Variants in RPS6KA1 observed in about 807,000 individuals in gnomAD.
The protein encoded by RPS6KA1 is ribosomal protein S6 kinase alpha-1.
In RPS6KA1, 48 loss-of-function variants were observed where a neutral mutation model predicts 91.3. That is an observed-to-expected ratio of 0.53 (90% CI 0.42 to 0.67). The LOEUF is 0.67. Among genes scored for constraint, RPS6KA1 ranks in the 30% least tolerant of loss-of-function variants. The pLI, the probability that RPS6KA1 is intolerant of heterozygous loss-of-function variation, is 0.00. For synonymous variants in RPS6KA1, 359 were observed against 384.7 expected, an observed-to-expected ratio of 0.93 and a Z score of 0.78; for missense variants, 719 against 960.5, an observed-to-expected ratio of 0.75 and a Z score of 3.32.
rs1206325508 is a variant in RPS6KA1 at position 26,565,039 on chromosome 1, C to G, written c.1590+3376C>G. On this transcript the variant is annotated intron_variant, in intron 17 of 21. Transcript: ENST00000374168. ...GTGAGCTCCTTCCACTAGGGATGTG[C>G]AAAGCTCCAAGTATAGATAACCACT... 2.0e-5 allele frequency among the ~76,000 whole-genome samples: 3 copies of G among 152,194 alleles called. No individual in the cohort carries two copies. In the East Asian group the frequency reaches 5.8e-4, roughly 29 times the overall value.
At chr1:26,556,754 G>A in intron 12 of RPS6KA1, 36 bp downstream of exon 12, 1 of 1,611,792 alleles carries the variant, frequency 6.2e-7, no homozygotes, top group Non-Finnish European at 8.5e-7. Context: ...CTCTGGCCAG[G>A]GCTCAGCCAT....
intron 14 of RPS6KA1, among the ~76,000 whole-genome samples, chr1:26,559,271 T>C (rs2076133215): frequency 6.6e-6 from 1 of 152,242 alleles, no homozygotes; most frequent in Admixed American, 6.5e-5. Flanking sequence ...TGTACACTTC[T>C]ACTGCTAATG....
Position 26,558,775 on chromosome 1 carries a change from G to A in RPS6KA1, c.1085-32G>A, listed in dbSNP as rs765990781. On this transcript the variant is annotated intron_variant, in intron 13 of 21. Transcript: ENST00000374168. This position sits in a 1 kb window ranked among gnomAD's most constrained non-coding sequence, Gnocchi z 4.0. Reference sequence around the variant, plus strand: ...CCTCAGGGTCGAGGGGACCTCCTCAGGTACCCTCACATTCTCCTTCCATCC... The same window carrying A: ...CCTCAGGGTCGAGGGGACCTCCTCAAGTACCCTCACATTCTCCTTCCATCC... 1 of 1,580,544 alleles carries A rather than the reference G, an allele frequency of 6.3e-7. No individual in the cohort carries two copies. The highest frequency in any genetic ancestry group is 1.1e-5 in the South Asian group (1 of 89,588).
Position 26,554,039 on chromosome 1 carries a change from G to A in RPS6KA1, c.576-175G>A. The A allele has an allele frequency of 5.0e-6, 3 of 594,250 alleles. No homozygotes were observed. Among genetic ancestry groups the A allele is most frequent in the Non-Finnish European group, 8.8e-6 (3 of 340,092 alleles). The allele number at this position is 594,250 out of a possible 1,614,324, so 36.8% of individuals were successfully genotyped here. A position where few individuals can be genotyped will look rare whatever the true frequency, so the allele number is the denominator to read the frequency against. ...AGTTGCTTCAAGGATTAGCAAAAAA[G>A]ATAGGCAACACCCCTGCGTGGTACT... On this transcript the variant is annotated intron_variant, in intron 7 of 21. Coordinates refer to ENST00000374168, the MANE Select transcript of RPS6KA1 (RefSeq NM_002953.4). This position sits in a 1 kb window ranked among gnomAD's most constrained non-coding sequence, Gnocchi z 4.6.
chr1:26,569,679 C>T (rs2076233789), intron 17 of RPS6KA1, among the ~76,000 whole-genome samples: 1 of 152,232 alleles, frequency 6.6e-6, no homozygotes, highest in African/African-American at 2.4e-5. Flanking sequence ...ATCTAACCTG[C>T]AAGGTATCTG....
Position 26,554,704 on chromosome 1 carries a change from A to C in RPS6KA1, c.722A>C (p.His241Pro), listed in dbSNP as rs1226017016. 1.2e-6 allele frequency: 2 copies of C among 1,611,916 alleles called. No individual in the cohort carries two copies. Among genetic ancestry groups the C allele is most frequent in the African/African-American group, 2.7e-5 (2 of 74,876 alleles). ...GTCGTCAACCGCCAGGGCCACTCCCATAGTGCGGACTGGTGGTCCTATGGG... is the reference window on the plus strand; with the variant it reads ...GTCGTCAACCGCCAGGGCCACTCCCCTAGTGCGGACTGGTGGTCCTATGGG... ...PEVVNRQGHS[H>P]SADWWSYGVL... Residue 241 changes from histidine (H) to proline (P), a missense_variant, in exon 9 of 22, where the codon CAT becomes CCT. Physicochemically the swap from His to Pro is moderately conservative, Grantham distance 77. Transcript: ENST00000374168. This position sits in a 1 kb window ranked among gnomAD's most constrained non-coding sequence, Gnocchi z 4.6.
At position 26,571,970 on chromosome 1, in the gene RPS6KA1, G is replaced by A. The variant is rs765628192; in HGVS notation, c.1829+45G>A. On this transcript the variant is annotated intron_variant, in intron 19 of 21. Coordinates refer to ENST00000374168, the MANE Select transcript of RPS6KA1 (RefSeq NM_002953.4). The surrounding 1 kb of genome is among the most constrained non-coding windows in gnomAD (Gnocchi z 5.1). ...ACCCTTCCCCACTCCTGCAGCCCTA[G>A]CACTTGGGCTGAGTGGTGCTTGTCT... The A allele has an allele frequency of 1.3e-5, 21 of 1,577,806 alleles. No homozygotes were observed. Among genetic ancestry groups the A allele is most frequent in the Non-Finnish European group, 1.8e-5 (21 of 1,152,654 alleles).
rs978198957 is a variant in RPS6KA1 at position 26,558,277 on chromosome 1, G to C, written c.1085-530G>C. ...AAGGAGTGGATTATCTAGTTAAAGG[G>C]AACAGTGTGTGCAAGGGCTCAGAGA... On this transcript the variant is annotated intron_variant, in intron 13 of 21. Transcript: ENST00000374168. This position sits in a 1 kb window ranked among gnomAD's most constrained non-coding sequence, Gnocchi z 4.0. 6.6e-6 allele frequency among the ~76,000 whole-genome samples: 1 copy of C among 152,176 alleles called. No individual in the cohort carries two copies. Among genetic ancestry groups the C allele is most frequent in the Admixed American group, 6.5e-5 (1 of 15,268 alleles).
intron 17 of RPS6KA1, among the ~76,000 whole-genome samples, chr1:26,570,538 T>C (rs979276320): frequency 6.6e-6 from 1 of 151,932 alleles, no homozygotes; most frequent in Non-Finnish European, 1.5e-5. Flanking sequence ...AAGAATGAAA[T>C]GTGGGGTGGT....
At chr1:26,552,429 G>A (rs2076060392) in intron 6 of RPS6KA1, among the ~76,000 whole-genome samples, 2 of 147,716 alleles carry the variant, frequency 1.4e-5, no homozygotes, top group African/African-American at 2.5e-5. Context: ...CTAGAAAATG[G>A]GACCATTCGT....
At chr1:26,570,544 G>A (rs2076240438) in intron 17 of RPS6KA1, among the ~76,000 whole-genome samples, 1 of 152,086 alleles carries the variant, frequency 6.6e-6, no homozygotes, top group African/African-American at 2.4e-5. Flanking sequence ...GAAATGTGGG[G>A]TGGTTCAGCC....
intron 1 of RPS6KA1, 54 bp downstream of exon 1, chr1:26,530,037 A>T (rs893019322): frequency 8.2e-7 from 1 of 1,217,408 alleles, no homozygotes; most frequent in Non-Finnish European, 1.0e-6. Context: ...CCGGATCCTC[A>T]CAGGGGCGGG....
chr1:26,568,552 C>T (rs984053136), intron 17 of RPS6KA1, among the ~76,000 whole-genome samples: 17 of 151,360 alleles, frequency 1.1e-4, no homozygotes, highest in Admixed American at 2.6e-4. Flanking sequence ...AGTTCGAGAC[C>T]AGCCTGGCCA....
In RPS6KA1 at chr1:26,557,095, C is replaced by T; in HGVS notation, c.1079C>T (p.Pro360Leu). The T allele has an allele frequency of 6.2e-7, 1 of 1,609,840 alleles. No homozygotes were observed. Among genetic ancestry groups the T allele is most frequent in the Non-Finnish European group, 8.5e-7 (1 of 1,176,240 alleles). The change falls in exon 13 of 22, where the codon CCC (proline) becomes CTC (leucine). Residue 360 changes from proline (P) to leucine (L), a missense_variant. This residue lies in a region of RPS6KA1 where 228 missense variants were observed against 247.6 expected (regional missense o/e 0.92). Coordinates refer to ENST00000374168, the MANE Select transcript of RPS6KA1 (RefSeq NM_002953.4). ...GACACCGAGTTCACGTCCCGCACAC[C>T]CAAGGGTGCGTCCCTTATCTGTTTT... ...YFDTEFTSRT[P>L]KDSPGIPPSA...
In RPS6KA1 at chr1:26,551,734, A is replaced by T. The variant is rs746654169; in HGVS notation, c.468+11A>T. 1 of 1,611,226 alleles carries T rather than the reference A, an allele frequency of 6.2e-7. No individual in the cohort carries two copies. The highest frequency in any genetic ancestry group is 8.5e-7 in the Non-Finnish European group (1 of 1,177,326). On this transcript the variant is annotated intron_variant, in intron 6 of 21. Coordinates refer to ENST00000374168, the MANE Select transcript of RPS6KA1 (RefSeq NM_002953.4). This position sits in a 1 kb window ranked among gnomAD's most constrained non-coding sequence, Gnocchi z 4.5. The stretch of plus-strand genomic sequence containing the variant: ...CGGCTCTCAAAAGAGGTGAGCTGAC[A>T]TCTACTGCCAGAGGGCCCCGGGATG...
At chr1:26,568,910 C>T (rs2076226417) in intron 17 of RPS6KA1, among the ~76,000 whole-genome samples, 1 of 152,030 alleles carries the variant, frequency 6.6e-6, no homozygotes, top group African/African-American at 2.4e-5. Context: ...GAGTTGTCCT[C>T]TCAGGCTGGG....
At chr1:26,543,871 A>G (rs1301584621) in intron 2 of RPS6KA1, among the ~76,000 whole-genome samples, 2 of 152,062 alleles carry the variant, frequency 1.3e-5, no homozygotes, top group Non-Finnish European at 2.9e-5. Flanking sequence ...AGTTTTTAGG[A>G]TATGATCAGA....
intron 17 of RPS6KA1, among the ~76,000 whole-genome samples, chr1:26,562,825 CTTTTTTTTTTTTTTTTT>C (rs748764001): frequency 1.2e-5 from 1 of 81,432 alleles, no homozygotes; most frequent in African/African-American, 5.1e-5. Context: ...TCCTATTGTC[CTTTTTTTTTTTTTTTTT>C]TTTTTTTTTT....
intron 14 of RPS6KA1, among the ~76,000 whole-genome samples, chr1:26,559,555 T>G (rs2076136279): frequency 6.6e-6 from 1 of 151,054 alleles, no homozygotes. Context: ...TTTTTTTGTA[T>G]TTTTAGTAGA....
Sources: gnomAD v4.1 joint callset for allele counts (sites outside exome capture counted in the v4.1 genomes callset) on GRCh38, gnomAD v4.1.1 for gene constraint, gnomAD v4.1.1 regional missense constraint, Gnocchi (gnomAD v3.1) non-coding constraint, MANE v1.5 for transcripts, NCBI Gene and HGNC (gene_info 2026-07-23, HGNC 2026-07-21) for gene names.